The following CSRNP3 variants were observed in gnomAD, a reference collection of about 807,000 sequenced individuals.
CSRNP3 encodes the protein cysteine/serine-rich nuclear protein 3.
Under a neutral mutation model 48.0 loss-of-function variants are expected in CSRNP3, and 12 were observed. The observed-to-expected ratio is 0.25, with a 90% CI of 0.16 to 0.41. The LOEUF (loss-of-function observed/expected upper bound fraction) is 0.41. Among genes scored for constraint, CSRNP3 ranks in the 10% least tolerant of loss-of-function variants. The pLI, the probability that CSRNP3 is intolerant of heterozygous loss-of-function variation, is 1.00. For missense variants in CSRNP3, 580 were observed against 724.4 expected (o/e 0.80, Z 2.29); for synonymous variants, 263 against 269.7 (o/e 0.98, Z 0.24).
At chr2:165,510,487 T>C (rs1684487360) in intron 2 of CSRNP3, among the ~76,000 whole-genome samples, 1 of 152,218 alleles carries the variant, frequency 6.6e-6, no homozygotes, top group South Asian at 2.1e-4. Flanking sequence ...CCTTTTGACA[T>C]GCCCTGGTCT....
chr2:165,685,422 G>T lies in CSRNP3; in HGVS notation c.*5669G>T, dbSNP rs1687615094. On this transcript the variant is annotated 3_prime_UTR_variant, in exon 7 of 7. Coordinates refer to ENST00000651982, the MANE Select transcript of CSRNP3 (RefSeq NM_001172173.2). ...GTCTGTGCTGTCTTGGCATGCCTTG[G>T]GTTTCCTATCCTGAGAGTGGTAATG... 1 of 151,976 alleles carries T rather than the reference G, an allele frequency of 6.6e-6. No individual in the cohort carries two copies. The highest frequency in any genetic ancestry group is 2.1e-4 in the South Asian group (1 of 4,820). 9.4% of individuals were successfully genotyped at this position (151,976 alleles called of 1,614,324 possible). A position where few individuals can be genotyped will look rare whatever the true frequency, so the allele number is the denominator to read the frequency against.
Position 165,595,213 on chromosome 2 carries a change from C to A in CSRNP3, c.148C>A (p.Pro50Thr). The A allele has an allele frequency of 6.2e-7, 1 of 1,606,152 alleles. No individual in the cohort carries two copies. The highest frequency in any genetic ancestry group is 8.5e-7 in the Non-Finnish European group (1 of 1,174,340). Residue 50 changes from proline (P) to threonine (T), a missense_variant and splice_region_variant, in exon 4 of 7, where the codon CCT (proline) becomes ACT (threonine). This residue lies in a region of CSRNP3 where 83 missense variants were observed against 139.6 expected (regional missense o/e 0.59). Transcript: ENST00000651982. Reference protein sequence around the residue: ...VNPSTSSHFTPSSILKREKRL... With the variant: ...VNPSTSSHFTTSSILKREKRL... ...TCCATCCACTTCTAGTCATTTTACC[C>A]GTGAGTACTGAAATCAGAACCGAAG...
chr2:165,528,170 T>C (rs1684765448), intron 3 of CSRNP3, among the ~76,000 whole-genome samples: 1 of 152,182 alleles, frequency 6.6e-6, no homozygotes, highest in Admixed American at 6.5e-5. Context: ...TTTAATCAGG[T>C]TGTTTTTTAG....
chr2:165,483,364 T>C (rs1684073369), intron 1 of CSRNP3, among the ~76,000 whole-genome samples: 1 of 152,216 alleles, frequency 6.6e-6, no homozygotes, highest in African/African-American at 2.4e-5. Context: ...ATGGAGATTT[T>C]AGATTTTTAC....
chr2:165,686,330 G>A lies in CSRNP3; in HGVS notation c.*6577G>A, dbSNP rs572386856. ...GTTTTGCTGTTGTCTCTACATAGGG[G>A]ACCTATGGAAAAGGAGTTTGAAATT... On this transcript the variant is annotated 3_prime_UTR_variant, in exon 7 of 7. Transcript: ENST00000651982. 1 of 151,884 alleles carries A rather than the reference G, an allele frequency of 6.6e-6. No homozygotes were observed. Among genetic ancestry groups the A allele is most frequent in the Non-Finnish European group, 1.5e-5 (1 of 67,936 alleles). The allele number at this position is 151,884 out of a possible 1,614,324, so 9.4% of individuals were successfully genotyped here. A position where few individuals can be genotyped will look rare whatever the true frequency, so the allele number is the denominator to read the frequency against.
At chr2:165,519,806 T>C (rs570128147) in intron 3 of CSRNP3, among the ~76,000 whole-genome samples, 14 of 152,260 alleles carry the variant, frequency 9.2e-5, no homozygotes. Flanking sequence ...TTATGTCTTA[T>C]GTTTGATGCT....
At chr2:165,593,002 C>T (rs1685746611) in intron 3 of CSRNP3, among the ~76,000 whole-genome samples, 1 of 151,428 alleles carries the variant, frequency 6.6e-6, no homozygotes, top group Non-Finnish European at 1.5e-5. Context: ...GGGGTTTCAC[C>T]GTTTTAGCCG....
chr2:165,575,112 T>C (rs1685427165), intron 3 of CSRNP3, among the ~76,000 whole-genome samples: 1 of 152,190 alleles, frequency 6.6e-6, no homozygotes, highest in Non-Finnish European at 1.5e-5. Flanking sequence ...CAGTTAAGTC[T>C]GCATTGTAAA....
intron 1 of CSRNP3, among the ~76,000 whole-genome samples, chr2:165,478,421 A>G (rs1683997997): frequency 6.6e-6 from 1 of 152,190 alleles, no homozygotes; most frequent in Admixed American, 6.5e-5. Context: ...TTAAACTTCA[A>G]AAAAGCAGCA....
chr2:165,545,732 G>T (rs1411678274), intron 3 of CSRNP3, among the ~76,000 whole-genome samples: 2 of 152,012 alleles, frequency 1.3e-5, no homozygotes, highest in Non-Finnish European at 2.9e-5. Flanking sequence ...AACCGATTTG[G>T]TGATGGGAAT....
chr2:165,661,466 A>G (rs534346650), intron 5 of CSRNP3, among the ~76,000 whole-genome samples: 1 of 152,286 alleles, frequency 6.6e-6, no homozygotes, highest in Admixed American at 6.5e-5. Context: ...TGCATGGCTG[A>G]CAGAGCTGTC....
At chr2:165,598,738 C>A (rs1448135634) in intron 4 of CSRNP3, among the ~76,000 whole-genome samples, 2 of 152,126 alleles carry the variant, frequency 1.3e-5, no homozygotes, top group East Asian at 3.8e-4. Context: ...AGTTTACTAA[C>A]ATGCTGTTTT....
At chr2:165,518,549 A>T (rs1426632874) in intron 3 of CSRNP3, among the ~76,000 whole-genome samples, 2 of 152,010 alleles carry the variant, frequency 1.3e-5, no homozygotes, top group Admixed American at 1.3e-4. Context: ...GAATAAGCCT[A>T]CCCATTATTA....
intron 4 of CSRNP3, among the ~76,000 whole-genome samples, chr2:165,630,417 AT>A (rs1686516429): frequency 6.6e-6 from 1 of 151,942 alleles, no homozygotes; most frequent in African/African-American, 2.4e-5. Flanking sequence ...CCCATTTATA[AT>A]GCCTTCTCTT....
At chr2:165,482,350 A>G (rs902727596) in intron 1 of CSRNP3, among the ~76,000 whole-genome samples, 1 of 149,810 alleles carries the variant, frequency 6.7e-6, no homozygotes, top group African/African-American at 2.5e-5. Flanking sequence ...CGCAACCTCC[A>G]CCTCCTGAGT....
intron 4 of CSRNP3, among the ~76,000 whole-genome samples, chr2:165,647,206 T>C (rs1375033572): frequency 6.6e-6 from 1 of 152,188 alleles, no homozygotes; most frequent in Non-Finnish European, 1.5e-5. Context: ...AAAATATTAA[T>C]GGAGGAACTA....
intron 3 of CSRNP3, among the ~76,000 whole-genome samples, chr2:165,591,962 C>T (rs545709054): frequency 6.6e-6 from 1 of 152,236 alleles, no homozygotes; most frequent in South Asian, 2.1e-4. Context: ...CCTCCAGAAC[C>T]CAAAATGGAA....
intron 4 of CSRNP3, among the ~76,000 whole-genome samples, chr2:165,615,351 G>A (rs1408683077): frequency 6.6e-6 from 1 of 152,014 alleles, no homozygotes; most frequent in African/African-American, 2.4e-5. Flanking sequence ...AGACCATCCT[G>A]GCTAACATGG....
At chr2:165,559,553 G>A (rs977905369) in intron 3 of CSRNP3, among the ~76,000 whole-genome samples, 7 of 152,028 alleles carry the variant, frequency 4.6e-5, no homozygotes, top group African/African-American at 1.7e-4. Context: ...TATAGAAGGA[G>A]TCCCAGAGTC....
Sources: gnomAD v4.1 joint callset for allele counts (sites outside exome capture counted in the v4.1 genomes callset) on GRCh38, gnomAD v4.1.1 for gene constraint, gnomAD v4.1.1 regional missense constraint, MANE v1.5 for transcripts, NCBI Gene and HGNC (gene_info 2026-07-23, HGNC 2026-07-21) for gene names.